The following ESR1 variants were observed in gnomAD, a reference collection of about 807,000 sequenced individuals.
ESR1 encodes estrogen receptor.
ESR1 carries 12 observed loss-of-function variants against 52.7 expected under a neutral mutation model. That is an observed-to-expected ratio of 0.23 (90% CI 0.15 to 0.37). ESR1 has a LOEUF of 0.37. ESR1 is among the 10% of genes least tolerant of loss of function. The pLI, the probability that ESR1 is intolerant of heterozygous loss-of-function variation, is 1.00. For synonymous variants in ESR1, 305 were observed against 316.8 expected, an observed-to-expected ratio of 0.96 and a Z score of 0.39; for missense variants, 584 against 779.7, an observed-to-expected ratio of 0.75 and a Z score of 2.99.
At chr6:151,923,267 C>T (rs533827090) in intron 3 of ESR1, among the ~76,000 whole-genome samples, 184 of 152,232 alleles carry the variant, frequency 1.2e-3, no homozygotes, top group African/African-American at 4.1e-3. Flanking sequence ...ATTGTGCATT[C>T]CATCCCAGTT....
intron 1 of ESR1, among the ~76,000 whole-genome samples, chr6:151,694,701 C>T (rs574895252): frequency 7.2e-5 from 11 of 151,828 alleles, no homozygotes; most frequent in Non-Finnish European, 1.3e-4. Context: ...ACTGGAGAAT[C>T]GCTTGAACCC....
chr6:151,786,421 A>C (rs1465072309), intron 2 of ESR1, among the ~76,000 whole-genome samples: 6 of 152,212 alleles, frequency 3.9e-5, no homozygotes, highest in African/African-American at 1.4e-4. Flanking sequence ...CTGGCACGGC[A>C]TAAAGCTTTT....
chr6:151,791,409 C>T (rs180672630), intron 2 of ESR1, among the ~76,000 whole-genome samples: 1 of 152,188 alleles, frequency 6.6e-6, no homozygotes, highest in Non-Finnish European at 1.5e-5. Context: ...CGCCTTTGCT[C>T]TTCCTTTGTC....
chr6:151,771,737 G>C (rs1427080463), intron 2 of ESR1, among the ~76,000 whole-genome samples: 1 of 152,042 alleles, frequency 6.6e-6, no homozygotes, highest in Non-Finnish European at 1.5e-5. Context: ...AGTGAGGTTA[G>C]GAAAAGTAAA....
In ESR1 at chr6:152,011,162, T is replaced by C. The variant is rs554664375; in HGVS notation, c.1097-494T>C. On this transcript the variant is annotated intron_variant, in intron 4 of 7. Transcript: ENST00000206249. The stretch of plus-strand genomic sequence containing the variant: ...TATGGAGTTTTCTGAGTCTTTCTTT[T>C]ACATATTACAAAAAAAGAGTGTGAT... 2.0e-5 allele frequency among the ~76,000 whole-genome samples: 3 copies of C among 152,270 alleles called. No individual in the cohort carries two copies. The South Asian group carries it at 6.2e-4, about 32-fold the overall frequency.
chr6:151,756,827 TAAA>T (rs1334724546), intron 2 of ESR1, among the ~76,000 whole-genome samples: 1 of 151,822 alleles, frequency 6.6e-6, no homozygotes, highest in Non-Finnish European at 1.5e-5. Context: ...CCGTCTCTAT[TAAA>T]AATACAAAAA....
At chr6:151,826,754 A>G (rs956334129) in intron 1 of ESR1, among the ~76,000 whole-genome samples, 1 of 152,170 alleles carries the variant, frequency 6.6e-6, no homozygotes, top group African/African-American at 2.4e-5. Flanking sequence ...ACACATATTC[A>G]TTGACCATCT....
intron 5 of ESR1, among the ~76,000 whole-genome samples, chr6:152,013,970 G>C (rs1349824838): frequency 6.6e-6 from 1 of 152,116 alleles, no homozygotes; most frequent in Non-Finnish European, 1.5e-5. Context: ...TGTCATGGGA[G>C]GGACCCGGTG....
intron 3 of ESR1, among the ~76,000 whole-genome samples, chr6:151,898,806 C>A (rs1345566119): frequency 6.6e-6 from 1 of 152,218 alleles, no homozygotes; most frequent in Non-Finnish European, 1.5e-5. Context: ...CCTCTTTCTA[C>A]ACAGACACGG....
chr6:151,911,590 G>T (rs1798269184), intron 3 of ESR1, among the ~76,000 whole-genome samples: 1 of 152,138 alleles, frequency 6.6e-6, no homozygotes. Context: ...AACCTGCTCT[G>T]ACTCGCCTCT....
chr6:151,725,349 A>C (rs999262220), intron 2 of ESR1, among the ~76,000 whole-genome samples: 3 of 152,232 alleles, frequency 2.0e-5, no homozygotes, highest in African/African-American at 7.2e-5. Flanking sequence ...TAAATGTAAT[A>C]GTGTCCCTCT....
chr6:151,746,729 CTT>C (rs1326865946), intron 2 of ESR1, among the ~76,000 whole-genome samples: 23 of 152,208 alleles, frequency 1.5e-4, no homozygotes, highest in Admixed American at 6.5e-5. Flanking sequence ...TGTCACAACT[CTT>C]TTATATAACG....
chr6:152,107,472 T>C (rs1441721746), downstream of ESR1, among the ~76,000 whole-genome samples: 3 of 152,238 alleles, frequency 2.0e-5, no homozygotes, highest in East Asian at 5.8e-4. Flanking sequence ...TATTTCTGTC[T>C]CTTAAGAATT....
At chr6:151,873,656 A>G (rs916132050) in intron 2 of ESR1, among the ~76,000 whole-genome samples, 7 of 152,258 alleles carry the variant, frequency 4.6e-5, no homozygotes, top group Non-Finnish European at 8.8e-5. Flanking sequence ...AAAGGATAAT[A>G]TAGTCTTTCA....
intron 6 of ESR1, among the ~76,000 whole-genome samples, chr6:152,076,844 A>G (rs963485446): frequency 6.6e-6 from 1 of 152,224 alleles, no homozygotes; most frequent in African/African-American, 2.4e-5. Context: ...AAACATTCAA[A>G]AGGTGACTTG....
intron 6 of ESR1, among the ~76,000 whole-genome samples, chr6:152,092,931 C>G (rs966716516): frequency 1.3e-5 from 2 of 152,084 alleles, no homozygotes; most frequent in Admixed American, 1.3e-4. Context: ...TTCACTGATA[C>G]GTGTGTTAGG....
chr6:151,719,529 T>C (rs1781304872), intron 2 of ESR1, among the ~76,000 whole-genome samples: 1 of 152,076 alleles, frequency 6.6e-6, no homozygotes, highest in South Asian at 2.1e-4. Flanking sequence ...CTGGAGTCCA[T>C]TGTACTTGGA....
At chr6:151,701,130 G>T (rs1057508074) in intron 1 of ESR1, among the ~76,000 whole-genome samples, 1 of 151,874 alleles carries the variant, frequency 6.6e-6, no homozygotes, top group Non-Finnish European at 1.5e-5. Context: ...CTGAATCTTC[G>T]TGGTAAAATC....
intron 5 of ESR1, among the ~76,000 whole-genome samples, chr6:152,051,984 C>T (rs139983391): frequency 1.3e-5 from 2 of 152,238 alleles, no homozygotes; most frequent in East Asian, 3.9e-4. Flanking sequence ...AAAGGAATAC[C>T]TGATGCCAGG....
Sources: gnomAD v4.1 joint callset for allele counts (sites outside exome capture counted in the v4.1 genomes callset) on GRCh38, gnomAD v4.1.1 for gene constraint, MANE v1.5 for transcripts, NCBI Gene and HGNC (gene_info 2026-07-23, HGNC 2026-07-21) for gene names.